The following NFASC variants were observed in gnomAD, a reference collection of about 807,000 sequenced individuals.
The protein encoded by NFASC is neurofascin.
A neutral mutation model predicts 147.5 loss-of-function variants in NFASC; 43 were observed. That is an observed-to-expected ratio of 0.29 (90% CI 0.23 to 0.38). The LOEUF is 0.38. Ranked by LOEUF, NFASC falls within the 10% of genes least tolerant of loss-of-function variation. NFASC has a pLI of 1.00. For missense variants in NFASC, 1,320 were observed against 1,689.0 expected (o/e 0.78, Z 3.83); for synonymous variants, 622 against 665.5 (o/e 0.93, Z 1.01).
Position 204,979,006 on chromosome 1 carries a change from C to A in NFASC, c.1915C>A (p.Leu639Met). Residue 639 changes from leucine (L) to methionine (M), a missense_variant, in exon 18 of 30, where the codon CTG becomes ATG. By Grantham distance (15) the Leu-to-Met change is conservative. Coordinates refer to ENST00000339876, the MANE Select transcript of NFASC (RefSeq NM_001005388.3). This position sits in a 1 kb window ranked among gnomAD's most constrained non-coding sequence, Gnocchi z 6.0. ...GCCCCGGGACCTGGAGCTGACCGAC[C>A]TGGCCGAGAGGAGCGTGCGGCTGAC... ...DRPRDLELTD[L>M]AERSVRLTWI... 2 of 1,563,972 alleles carry A rather than the reference C, an allele frequency of 1.3e-6. No homozygotes were observed. Among genetic ancestry groups the A allele is most frequent in the East Asian group, 2.4e-5 (1 of 41,932 alleles).
At chr1:204,998,421 C>G (rs2095895661) in intron 25 of NFASC, 1 of 152,294 alleles carries the variant, frequency 6.6e-6, no homozygotes, top group South Asian at 2.1e-4. Context: ...TCCAAGGCCT[C>G]CTTTCTCCCA....
rs2096329106 is a variant in NFASC, at chr1:205,015,177, G to T, written c.3492-1131G>T. 6.6e-6 allele frequency among the ~76,000 whole-genome samples: 1 copy of T among 152,208 alleles called. No homozygotes were observed. Among genetic ancestry groups the T allele is most frequent in the Non-Finnish European group, 1.5e-5 (1 of 68,028 alleles). ...CACTATAATGGCAACTCAGCTGGTT[G>T]TCTTCCCCACGTCCAGGAAGGACTG... On this transcript the variant is annotated intron_variant, in intron 29 of 29. Coordinates refer to ENST00000339876, the MANE Select transcript of NFASC (RefSeq NM_001005388.3). The surrounding 1 kb of genome is among the most constrained non-coding windows in gnomAD (Gnocchi z 4.0).
At chr1:204,860,134 C>A (rs191190776) in intron 1 of NFASC, among the ~76,000 whole-genome samples, 4 of 152,284 alleles carry the variant, frequency 2.6e-5, no homozygotes, top group African/African-American at 9.6e-5. Context: ...TACAGGCTCA[C>A]ACCCTGATGG....
intron 17 of NFASC, among the ~76,000 whole-genome samples, chr1:204,978,098 A>G (rs2095442880): frequency 1.3e-5 from 2 of 151,670 alleles, no homozygotes; most frequent in Non-Finnish European, 2.9e-5. Flanking sequence ...GCCTCCCTGC[A>G]TCTATTGCTT....
chr1:204,836,639 G>A lies in NFASC; in HGVS notation c.-200+7857G>A, dbSNP rs190929204. On this transcript the variant is annotated intron_variant, in intron 1 of 29. Transcript: ENST00000339876. The stretch of plus-strand genomic sequence containing the variant: ...TTATATGCAAGACATTGTTGTCACT[G>A]CCATTGTTATAATACCTATTGTGTG... Among the ~76,000 whole-genome samples, 380 of 152,348 alleles carry A rather than the reference G, an allele frequency of 2.5e-3. 1 individual carries two copies. The highest frequency in any genetic ancestry group is 4.3e-3 in the Non-Finnish European group (292 of 68,022).
At chr1:204,831,609 A>G (rs761168301) in intron 1 of NFASC, among the ~76,000 whole-genome samples, 13 of 151,966 alleles carry the variant, frequency 8.6e-5, no homozygotes, top group Non-Finnish European at 1.8e-4. Flanking sequence ...GAGGAGCTGG[A>G]GTGTGAGAAT....
At chr1:204,948,781 T>C (rs2802835) in intron 3 of NFASC, 62,822 of 510,144 alleles carry the variant, frequency 0.12, 4,711 homozygotes, top group African/African-American at 0.26. Context: ...AAGTCTTGAA[T>C]AGGCAAAGGA....
At chr1:204,948,789 G>A in intron 3 of NFASC, 9 of 505,676 alleles carry the variant, frequency 1.8e-5, no homozygotes, top group South Asian at 1.0e-4. Flanking sequence ...AATAGGCAAA[G>A]GAGGTCCCTT....
At chr1:204,970,109 T>C (rs1417162760) in intron 10 of NFASC, among the ~76,000 whole-genome samples, 1 of 141,226 alleles carries the variant, frequency 7.1e-6, no homozygotes, top group Non-Finnish European at 1.5e-5. Context: ...AGAACTACTC[T>C]AACCAAAATT....
intron 1 of NFASC, among the ~76,000 whole-genome samples, chr1:204,834,210 G>T (rs546096404): frequency 6.0e-5 from 9 of 150,854 alleles, no homozygotes; most frequent in African/African-American, 2.2e-4. Context: ...AAGTCTTACA[G>T]GAAAAGGACA....
At chr1:204,920,553 C>A in intron 1 of NFASC, 79 bp from the exon 2 acceptor site, 1 of 654,088 alleles carries the variant, frequency 1.5e-6, no homozygotes. Flanking sequence ...AATGAGCAAG[C>A]TGCAAACCAC....
chr1:204,995,541 G>C (rs1232484230), intron 24 of NFASC, among the ~76,000 whole-genome samples: 2 of 152,108 alleles, frequency 1.3e-5, no homozygotes, highest in East Asian at 3.9e-4. Context: ...ACCGGGGTTT[G>C]GGGAGTATAG....
At chr1:204,997,612 G>C (rs2095875187) in intron 25 of NFASC, 3 of 643,258 alleles carry the variant, frequency 4.7e-6, no homozygotes, top group Non-Finnish European at 8.4e-6. Flanking sequence ...GCCTGGCCCT[G>C]ACACACACAC....
At chr1:204,889,432 A>G (rs2081959393) in intron 1 of NFASC, among the ~76,000 whole-genome samples, 3 of 152,240 alleles carry the variant, frequency 2.0e-5, no homozygotes, top group African/African-American at 4.8e-5. Context: ...TTTTGGTGAT[A>G]GTACAAGTGC....
intron 21 of NFASC, chr1:204,985,991 C>T (rs1229200522): frequency 3.1e-6 from 5 of 1,613,842 alleles, no homozygotes; most frequent in Non-Finnish European, 4.2e-6. Context: ...CCCTGGTGAC[C>T]GCCTCCGTGG....
intron 29 of NFASC, among the ~76,000 whole-genome samples, chr1:205,013,907 G>A (rs2096296605): frequency 6.6e-6 from 1 of 152,230 alleles, no homozygotes; most frequent in African/African-American, 2.4e-5. Flanking sequence ...ACAGGAGCCT[G>A]TCTGCAGGCT....
intron 2 of NFASC, among the ~76,000 whole-genome samples, chr1:204,939,626 C>G (rs2093205813): frequency 6.6e-6 from 1 of 152,278 alleles, no homozygotes; most frequent in Admixed American, 6.5e-5. Context: ...TGTTGCACTT[C>G]TCTGCACCTA....
Position 204,950,610 on chromosome 1 carries a change from G to C in NFASC, c.109+36G>C, listed in dbSNP as rs1359423388. ...TGTGTGCCTCTCTGTGCCTCTGGGA[G>C]TTGGGAGGGAGGAATGAGGCATGAG... is the stretch of plus-strand genomic sequence containing the variant. On this transcript the variant is annotated intron_variant, in intron 4 of 29. Coordinates refer to ENST00000339876, the MANE Select transcript of NFASC (RefSeq NM_001005388.3). 3 of 1,605,028 alleles carry C rather than the reference G, an allele frequency of 1.9e-6. No homozygotes were observed. In the African/African-American group the frequency reaches 4.0e-5, roughly 21 times the overall value.
chr1:204,959,879 A>T lies in NFASC; in HGVS notation c.706+2053A>T, dbSNP rs1295204990. Reference sequence around the variant, plus strand: ...CAGAAGAAGTAAGGGATGTTTGTTAATTCTTCATTTCTAGGTCCTCTATTC... The same window carrying T: ...CAGAAGAAGTAAGGGATGTTTGTTATTTCTTCATTTCTAGGTCCTCTATTC... On this transcript the variant is annotated intron_variant, in intron 8 of 29. Transcript: ENST00000339876. 2.6e-5 allele frequency among the ~76,000 whole-genome samples: 4 copies of T among 152,228 alleles called. No individual in the cohort carries two copies. In the East Asian group the frequency reaches 7.7e-4, roughly 29 times the overall value.
Sources: allele counts gnomAD v4.1 joint callset (sites outside exome capture counted in the v4.1 genomes callset), GRCh38; gene constraint gnomAD v4.1.1; non-coding constraint Gnocchi (gnomAD v3.1); transcripts MANE v1.5; gene names NCBI Gene and HGNC (gene_info 2026-07-23, HGNC 2026-07-21).